Variants in GRIK1 observed in about 807,000 individuals in gnomAD.
The protein encoded by GRIK1 is glutamate receptor ionotropic, kainate 1.
Under a neutral mutation model 105.7 loss-of-function variants are expected in GRIK1, and 69 were observed. The observed-to-expected ratio is 0.65, with a 90% CI of 0.54 to 0.80. GRIK1 has a LOEUF of 0.80. Ranked by LOEUF, GRIK1 falls within the 30% of genes least tolerant of loss-of-function variation. The pLI is 0.00. For synonymous variants in GRIK1, 438 were observed against 431.3 expected, an observed-to-expected ratio of 1.02 and a Z score of -0.19; for missense variants, 1,109 against 1,167.3, an observed-to-expected ratio of 0.95 and a Z score of 0.73.
intron 12 of GRIK1, chr21:29,582,242 A>G (rs897581221): frequency 2.3e-6 from 1 of 442,134 alleles, no homozygotes; most frequent in Admixed American, 2.5e-5. Flanking sequence ...AGTATTAACT[A>G]CATAGCATGC....
chr21:29,576,899 C>A, intron 14 of GRIK1, 65 bp downstream of exon 14: 5 of 755,612 alleles, frequency 6.6e-6, no homozygotes, highest in South Asian at 5.5e-5. Context: ...TTTTTTTCGA[C>A]AGATTCTTTT....
At chr21:29,841,426 C>T (rs1000242943) in intron 1 of GRIK1, among the ~76,000 whole-genome samples, 2 of 152,126 alleles carry the variant, frequency 1.3e-5, no homozygotes, top group African/African-American at 4.8e-5. Flanking sequence ...TGTCAGACTG[C>T]TTCTAATTTG....
At chr21:29,809,922 G>C (rs1455400513) in intron 1 of GRIK1, among the ~76,000 whole-genome samples, 1 of 152,166 alleles carries the variant, frequency 6.6e-6, no homozygotes, top group African/African-American at 2.4e-5. Flanking sequence ...CAGTGGAGCA[G>C]TCAGACCACA....
chr21:29,742,403 A>C (rs951435667), intron 1 of GRIK1, among the ~76,000 whole-genome samples: 15 of 152,232 alleles, frequency 9.9e-5, no homozygotes, highest in African/African-American at 3.4e-4. Flanking sequence ...AGATCCTTCA[A>C]GTACAACATC....
In GRIK1 at chr21:29,569,257, A is replaced by G. The variant is rs574921739; in HGVS notation, c.2131-7408T>C. Among the ~76,000 whole-genome samples the G allele has an allele frequency of 5.3e-5, 8 of 152,362 alleles. No homozygotes were observed. The South Asian group carries it at 1.7e-3, about 32-fold the overall frequency. The stretch of plus-strand genomic sequence containing the variant: ...AGGTAAGGGTTGAATAATTATGGTG[A>G]TGATGTTATAAGTGATAGTTACAAT... On this transcript the variant is annotated intron_variant, in intron 14 of 17. Transcript: ENST00000327783.
chr21:29,929,979 CA>C (rs1165360895), intron 1 of GRIK1, among the ~76,000 whole-genome samples: 2 of 152,180 alleles, frequency 1.3e-5, no homozygotes, highest in African/African-American at 4.8e-5. Flanking sequence ...GAATACTATT[CA>C]GCCACAAAAC....
At chr21:29,894,984 GA>G (rs2070074552) in intron 1 of GRIK1, among the ~76,000 whole-genome samples, 1 of 152,108 alleles carries the variant, frequency 6.6e-6, no homozygotes, top group Non-Finnish European at 1.5e-5. Flanking sequence ...CAAATGAATG[GA>G]AAAGACTGCA....
At chr21:29,668,692 T>C (rs2063106009) in intron 4 of GRIK1, among the ~76,000 whole-genome samples, 1 of 152,262 alleles carries the variant, frequency 6.6e-6, no homozygotes, top group African/African-American at 2.4e-5. Flanking sequence ...GCACCCAGCA[T>C]CCTGCTAGGT....
At chr21:29,817,419 A>G in intron 1 of GRIK1, among the ~76,000 whole-genome samples, 1 of 152,282 alleles carries the variant, frequency 6.6e-6, no homozygotes, top group East Asian at 1.9e-4. Context: ...ATAATAGTAA[A>G]TTGTTAGTAT....
In GRIK1 at chr21:29,729,856, A is replaced by C. The variant is rs148442702; in HGVS notation, c.119-35793T>G. 6.6e-5 allele frequency among the ~76,000 whole-genome samples: 10 copies of C among 152,300 alleles called. No homozygotes were observed. In the East Asian group the frequency reaches 1.9e-3, roughly 29 times the overall value. On this transcript the variant is annotated intron_variant, in intron 1 of 17. Transcript: ENST00000327783. ...TTAAAAAGTGATTTTGAGTCTGAGG[A>C]TTCTGAAGAGCAGTTTTGGCTGTTT...
intron 1 of GRIK1, among the ~76,000 whole-genome samples, chr21:29,887,671 G>A (rs191137780): frequency 7.2e-5 from 11 of 152,278 alleles, no homozygotes; most frequent in Non-Finnish European, 1.5e-4. Context: ...AGTAATGCCA[G>A]CCTGGACCTA....
At chr21:29,809,192 C>T (rs2066942716) in intron 1 of GRIK1, among the ~76,000 whole-genome samples, 1 of 152,130 alleles carries the variant, frequency 6.6e-6, no homozygotes, top group Non-Finnish European at 1.5e-5. Flanking sequence ...CAGGTTAAGA[C>T]TGTAATCAGA....
chr21:29,846,189 G>A (rs1175023898), intron 1 of GRIK1, among the ~76,000 whole-genome samples: 6 of 133,632 alleles, frequency 4.5e-5, no homozygotes, highest in Non-Finnish European at 6.3e-5. Context: ...TTGGGAGTTC[G>A]AGACCGGCCT....
intron 7 of GRIK1, among the ~76,000 whole-genome samples, chr21:29,604,338 C>T (rs867237385): frequency 1.8e-4 from 27 of 152,138 alleles, no homozygotes; most frequent in African/African-American, 6.0e-4. Context: ...TATCTTTGAC[C>T]TTCAACGTCA....
chr21:29,720,403 T>C (rs969243753), intron 1 of GRIK1, among the ~76,000 whole-genome samples: 3 of 152,198 alleles, frequency 2.0e-5, no homozygotes, highest in Non-Finnish European at 4.4e-5. Context: ...AGCTAATATG[T>C]CCTTGGGGTA....
rs191955499 is a variant in GRIK1, at chr21:29,714,218, G to T, written c.119-20155C>A. 1.4e-3 allele frequency among the ~76,000 whole-genome samples: 206 copies of T among 151,728 alleles called. 2 individuals are homozygous for T. Among genetic ancestry groups the T allele is most frequent in the African/African-American group, 4.6e-3 (192 of 41,360 alleles). The stretch of plus-strand genomic sequence containing the variant: ...TTTTCAGACAAGTGGGGTACAGTTT[G>T]CTCTTTACACACTCTTCCCATGATT... On this transcript the variant is annotated intron_variant, in intron 1 of 17. Coordinates refer to ENST00000327783, the MANE Select transcript of GRIK1 (RefSeq NM_001330994.2).
At chr21:29,893,700 T>C (rs1291348653) in intron 1 of GRIK1, among the ~76,000 whole-genome samples, 1 of 152,164 alleles carries the variant, frequency 6.6e-6, no homozygotes, top group Non-Finnish European at 1.5e-5. Context: ...ATGTAGAATA[T>C]ACAGAGAGAA....
At chr21:29,826,741 T>C (rs1022063722) in intron 1 of GRIK1, among the ~76,000 whole-genome samples, 3 of 152,074 alleles carry the variant, frequency 2.0e-5, no homozygotes, top group Admixed American at 2.0e-4. Context: ...CATATGTATA[T>C]GGAGAGAGAG....
At chr21:29,614,529 T>C (rs1484740440) in intron 7 of GRIK1, among the ~76,000 whole-genome samples, 1 of 147,550 alleles carries the variant, frequency 6.8e-6, no homozygotes, top group Non-Finnish European at 1.5e-5. Flanking sequence ...TTCTCTGGTC[T>C]CAGCCTCCCA....
Sources: allele counts gnomAD v4.1 joint callset (sites outside exome capture counted in the v4.1 genomes callset), GRCh38; gene constraint gnomAD v4.1.1; transcripts MANE v1.5; gene names NCBI Gene and HGNC (gene_info 2026-07-23, HGNC 2026-07-21).